Variants in RIC1 observed in about 807,000 individuals in gnomAD.
RIC1 encodes guanine nucleotide exchange factor subunit RIC1.
Under a neutral mutation model 169.0 loss-of-function variants are expected in RIC1, and 88 were observed. The ratio of observed to expected loss-of-function variants is 0.52; its 90% CI spans 0.44 to 0.62. The LOEUF (loss-of-function observed/expected upper bound fraction) is 0.62. Among genes scored for constraint, RIC1 ranks in the 20% least tolerant of loss-of-function variants. The pLI, the probability that RIC1 is intolerant of heterozygous loss-of-function variation, is 0.00. For missense variants in RIC1, 1,877 were observed against 1,725.5 expected, an observed-to-expected ratio of 1.09 and a Z score of -1.56; for synonymous variants, 790 against 601.5, an observed-to-expected ratio of 1.31 and a Z score of -4.59.
intron 4 of RIC1, 49 bp from the exon 5 acceptor site, chr9:5,720,133 A>C: frequency 6.7e-7 from 1 of 1,494,664 alleles, no homozygotes; most frequent in Non-Finnish European, 9.2e-7. Context: ...ATTCATACAC[A>C]TTGCTTTCCC....
intron 24 of RIC1, 25 bp from the exon 25 acceptor site, chr9:5,772,867 T>A (rs1827319221): frequency 6.3e-7 from 1 of 1,597,928 alleles, no homozygotes; most frequent in South Asian, 1.1e-5. Context: ...TTAGCATAAA[T>A]CATTTTGTTT....
chr9:5,653,981 G>GT (rs1458961438), intron 1 of RIC1, among the ~76,000 whole-genome samples: 1 of 152,050 alleles, frequency 6.6e-6, no homozygotes, highest in Non-Finnish European at 1.5e-5. Context: ...GTGTTACATA[G>GT]TTTTTTAAAA....
intron 1 of RIC1, among the ~76,000 whole-genome samples, chr9:5,642,074 G>T (rs1466861766): frequency 6.9e-6 from 1 of 144,570 alleles, no homozygotes; most frequent in Non-Finnish European, 1.5e-5. Context: ...TTTTTGAGAA[G>T]TCTTTCCAGT....
chr9:5,696,287 G>C (rs1242065202), intron 3 of RIC1, among the ~76,000 whole-genome samples: 2 of 151,308 alleles, frequency 1.3e-5, no homozygotes, highest in Non-Finnish European at 2.9e-5. Context: ...CGAAGTCCAA[G>C]CTCTCTGGCC....
At chr9:5,658,715 T>C (rs540780186) in intron 2 of RIC1, among the ~76,000 whole-genome samples, 11 of 152,186 alleles carry the variant, frequency 7.2e-5, no homozygotes, top group Admixed American at 6.5e-4. Context: ...TTTTAAAACC[T>C]ATGGTTAGTG....
intron 3 of RIC1, among the ~76,000 whole-genome samples, chr9:5,704,389 T>C (rs999326641): frequency 1.3e-5 from 2 of 152,068 alleles, no homozygotes; most frequent in East Asian, 1.9e-4. Flanking sequence ...TTTTTGATTT[T>C]TTTGTGAAGT....
rs999234957 is a variant in RIC1, at chr9:5,740,778, C to G, written c.902-2091C>G. ...CCAGCCCACTGACTCAAATGTTAAT[C>G]TCCTTTGGCAGCACCCTCACAGACA... On this transcript the variant is annotated intron_variant, in intron 8 of 25. Coordinates refer to ENST00000414202, the MANE Select transcript of RIC1 (RefSeq NM_020829.4). 3.2e-4 allele frequency among the ~76,000 whole-genome samples: 48 copies of G among 152,062 alleles called. 1 individual carries two copies. Among genetic ancestry groups the G allele is most frequent in the Admixed American group, 3.1e-3 (47 of 15,262 alleles).
chr9:5,767,075 C>G (rs771890783), intron 21 of RIC1, among the ~76,000 whole-genome samples: 1 of 152,166 alleles, frequency 6.6e-6, no homozygotes, highest in Non-Finnish European at 1.5e-5. Context: ...TTTGAAAATG[C>G]AACAAACTTT....
intron 6 of RIC1, among the ~76,000 whole-genome samples, chr9:5,721,658 A>C (rs1823597904): frequency 6.6e-6 from 1 of 152,214 alleles, no homozygotes; most frequent in African/African-American, 2.4e-5. Context: ...TTTGGGCTTG[A>C]AAGTGGGTTT....
At chr9:5,683,958 A>G (rs1316291759) in intron 2 of RIC1, among the ~76,000 whole-genome samples, 1 of 152,098 alleles carries the variant, frequency 6.6e-6, no homozygotes, top group Non-Finnish European at 1.5e-5. Flanking sequence ...TGCGGGATAT[A>G]ATCTCCTGGT....
At chr9:5,737,564 T>A (rs922469547) in intron 7 of RIC1, among the ~76,000 whole-genome samples, 2 of 147,782 alleles carry the variant, frequency 1.4e-5, no homozygotes, top group African/African-American at 2.5e-5. Context: ...ATATCAAATA[T>A]GTATGTTTAT....
Position 5,629,138 on chromosome 9 carries a change from C to A in RIC1, c.-172C>A, listed in dbSNP as rs942425414. On this transcript the variant is annotated 5_prime_UTR_variant, in exon 1 of 26. Coordinates refer to ENST00000414202, the MANE Select transcript of RIC1 (RefSeq NM_020829.4). Reference sequence around the variant, plus strand: ...GGCCCCGTCAGCTTGGGGGTGCCTTCGTCGCGCAGCCTTGCGTCGGCCCGG... The same window carrying A: ...GGCCCCGTCAGCTTGGGGGTGCCTTAGTCGCGCAGCCTTGCGTCGGCCCGG... 2 of 495,370 alleles carry A rather than the reference C, an allele frequency of 4.0e-6. No individual in the cohort carries two copies. The highest frequency in any genetic ancestry group is 6.2e-6 in the Non-Finnish European group (2 of 322,320). 30.7% of individuals were successfully genotyped at this position (495,370 alleles called of 1,614,324 possible).
At chr9:5,743,626 A>T in intron 9 of RIC1, 63 bp from the exon 10 acceptor site, 2 of 1,297,456 alleles carry the variant, frequency 1.5e-6, no homozygotes, top group South Asian at 2.6e-5. Context: ...AAAAACACTA[A>T]ATTTTATGTG....
At chr9:5,689,202 C>T (rs1185158409) in intron 2 of RIC1, among the ~76,000 whole-genome samples, 1 of 151,814 alleles carries the variant, frequency 6.6e-6, no homozygotes, top group Non-Finnish European at 1.5e-5. Flanking sequence ...GCGCCTGCCA[C>T]CACGCCCGGC....
rs759643744 is a variant in RIC1, at chr9:5,746,061, T to C, written c.1226T>C (p.Val409Ala). 3 of 1,613,534 alleles carry C rather than the reference T, an allele frequency of 1.9e-6. No homozygotes were observed. The highest frequency in any genetic ancestry group is 2.5e-6 in the Non-Finnish European group (3 of 1,179,506). The change falls in exon 11 of 26, where the codon GTA becomes GCA. Residue 409 changes from valine (V) to alanine (A), a missense_variant. Val to Ala is a moderately conservative substitution (Grantham distance 64, BLOSUM62 0). Transcript: ENST00000414202. Reference sequence around the variant, plus strand: ...CTGTTATTTCAGTTTATTAAGAGTGTACTCACTGTAAACCCTTGTATGGTA... The same window carrying C: ...CTGTTATTTCAGTTTATTAAGAGTGCACTCACTGTAAACCCTTGTATGGTA... ...SILLFQFIKS[V>A]LTVNPCMSNQ...
chr9:5,695,489 CA>C (rs1821836668), intron 3 of RIC1, among the ~76,000 whole-genome samples: 1 of 151,700 alleles, frequency 6.6e-6, no homozygotes, highest in African/African-American at 2.4e-5. Flanking sequence ...CCTTGTATGT[CA>C]TTTCTTTTCC....
intron 1 of RIC1, among the ~76,000 whole-genome samples, chr9:5,648,416 AT>A (rs1256750526): frequency 6.6e-6 from 1 of 152,116 alleles, no homozygotes; most frequent in Non-Finnish European, 1.5e-5. Flanking sequence ...AATTGAAATG[AT>A]TATCTGTTGG....
intron 3 of RIC1, among the ~76,000 whole-genome samples, chr9:5,693,841 C>A (rs1002360773): frequency 6.6e-6 from 1 of 151,798 alleles, no homozygotes. Context: ...CCCCTTCTTC[C>A]TGTCTTTTCA....
intron 2 of RIC1, among the ~76,000 whole-genome samples, chr9:5,667,230 G>A (rs1819829131): frequency 6.6e-6 from 1 of 152,130 alleles, no homozygotes; most frequent in South Asian, 2.1e-4. Context: ...GGTGAGTCAG[G>A]AGGATCACCT....
Sources: allele counts gnomAD v4.1 joint callset (sites outside exome capture counted in the v4.1 genomes callset), GRCh38; gene constraint gnomAD v4.1.1; transcripts MANE v1.5; gene names NCBI Gene and HGNC (gene_info 2026-07-23, HGNC 2026-07-21).